The following PPP1R12B variants were observed in gnomAD, a reference collection of about 807,000 sequenced individuals.
The protein encoded by PPP1R12B is protein phosphatase 1 regulatory subunit 12B, also known as myosin phosphatase target subunit 2.
Under a neutral mutation model 126.1 loss-of-function variants are expected in PPP1R12B, and 76 were observed. The ratio of observed to expected loss-of-function variants is 0.60; its 90% confidence interval spans 0.50 to 0.73. The LOEUF (loss-of-function observed/expected upper bound fraction) is 0.73. Ranked by LOEUF, PPP1R12B falls within the 30% of genes least tolerant of loss-of-function variation. The pLI is 0.00. For missense variants in PPP1R12B, 1,052 were observed against 1,205.1 expected, an observed-to-expected ratio of 0.87 and a Z score of 1.88; for synonymous variants, 356 against 434.7, an observed-to-expected ratio of 0.82 and a Z score of 2.25.
Position 202,479,886 on chromosome 1 carries a change from T to C in PPP1R12B, c.1851-8647T>C, listed in dbSNP as rs112618526. ...AGTGGTTCTGATACAAGTGAAAGTT[T>C]AAGAACCACTTCCTTAGCCTAACTG... On this transcript the variant is annotated intron_variant, in intron 13 of 23. Coordinates refer to ENST00000608999, the MANE Select transcript of PPP1R12B (RefSeq NM_002481.4). 7.0e-3 allele frequency among the ~76,000 whole-genome samples: 1,072 copies of C among 152,326 alleles called. 12 individuals carry two copies. Among genetic ancestry groups the C allele is most frequent in the African/African-American group, 0.024 (1,008 of 41,576 alleles).
intron 18 of PPP1R12B, among the ~76,000 whole-genome samples, chr1:202,514,780 T>A (rs1489112272): frequency 6.6e-6 from 1 of 152,178 alleles, no homozygotes; most frequent in Non-Finnish European, 1.5e-5. Flanking sequence ...ATTCCATTGG[T>A]CTGTGTGCTG....
chr1:202,485,098 T>G (rs995758145), intron 13 of PPP1R12B, among the ~76,000 whole-genome samples: 1 of 152,200 alleles, frequency 6.6e-6, no homozygotes, highest in Non-Finnish European at 1.5e-5. Context: ...AGCTGTGCAG[T>G]GCAGGTATGT....
chr1:202,426,386 C>T (rs189405828), intron 4 of PPP1R12B, among the ~76,000 whole-genome samples: 22 of 152,210 alleles, frequency 1.4e-4, no homozygotes, highest in Non-Finnish European at 2.2e-4. Flanking sequence ...TGCCTGATAG[C>T]GCTATCCATA....
At chr1:202,568,383 G>C (rs1222478117) in intron 22 of PPP1R12B, among the ~76,000 whole-genome samples, 1 of 152,080 alleles carries the variant, frequency 6.6e-6, no homozygotes. Context: ...TATTATTCTG[G>C]GATTTTACAT....
intron 23 of PPP1R12B, 93 bp from the exon 24 acceptor site, chr1:202,580,381 G>C: frequency 1.2e-6 from 1 of 868,552 alleles, no homozygotes; most frequent in East Asian, 2.4e-5. Flanking sequence ...TGTCTCAAAA[G>C]GCCCTGCTCA....
intron 1 of PPP1R12B, among the ~76,000 whole-genome samples, chr1:202,405,451 C>A (rs546958648): frequency 1.9e-4 from 29 of 152,178 alleles, no homozygotes; most frequent in African/African-American, 6.5e-4. Context: ...TTAAGTATAT[C>A]ATTTTTGCTC....
intron 23 of PPP1R12B, chr1:202,575,201 T>G: frequency 6.5e-7 from 1 of 1,548,500 alleles, no homozygotes; most frequent in Non-Finnish European, 8.7e-7. Context: ...AGTCTTCTTG[T>G]TAGTCCCAGA....
rs939627461 is a variant in PPP1R12B, at chr1:202,588,870, G to GATAGATAGATAGATAT, written c.*8313_*8314insGATAGATAGATATATA. The GATAGATAGATAGATAT allele has an allele frequency of 7.1e-6, 1 of 141,544 alleles. No homozygotes were observed. The highest frequency in any genetic ancestry group is 2.0e-4 in the East Asian group (1 of 5,080). 8.8% of individuals were successfully genotyped at this position (141,544 alleles called of 1,614,324 possible). A position where few individuals can be genotyped will look rare whatever the true frequency, so the allele number is the denominator to read the frequency against. On this transcript the variant is annotated 3_prime_UTR_variant, in exon 24 of 24. Transcript: ENST00000608999. ...AGATAGATAGATAGATAGATAGATA[G>GATAGATAGATAGATAT]ATATCAAGGTTCCAAGCTTCAAGTA...
At chr1:202,354,817 G>GTTTT (rs199774664) in intron 1 of PPP1R12B, among the ~76,000 whole-genome samples, 1 of 131,812 alleles carries the variant, frequency 7.6e-6, no homozygotes, top group Non-Finnish European at 1.6e-5. Flanking sequence ...CTGGCTAATT[G>GTTTT]TTTTTTTTGT....
At chr1:202,498,145 A>G (rs2148864543) in intron 18 of PPP1R12B, among the ~76,000 whole-genome samples, 1 of 152,326 alleles carries the variant, frequency 6.6e-6, no homozygotes, top group Non-Finnish European at 1.5e-5. Flanking sequence ...GTACCAAGTA[A>G]GGAAAATTAA....
At chr1:202,378,949 AC>A (rs1297687651) in intron 1 of PPP1R12B, among the ~76,000 whole-genome samples, 1 of 151,170 alleles carries the variant, frequency 6.6e-6, no homozygotes, top group African/African-American at 2.4e-5. Context: ...TCCATTGCCC[AC>A]TCTTTGCCCA....
chr1:202,397,639 T>C (rs1248273094), intron 1 of PPP1R12B, among the ~76,000 whole-genome samples: 3 of 152,228 alleles, frequency 2.0e-5, no homozygotes, highest in Non-Finnish European at 4.4e-5. Context: ...ACTTACATTA[T>C]TCCATTGAAA....
chr1:202,575,170 TC>T (rs747820147), intron 23 of PPP1R12B: 3 of 1,597,294 alleles, frequency 1.9e-6, no homozygotes, highest in Non-Finnish European at 1.7e-6. Flanking sequence ...ACTTCCCTCC[TC>T]CACTACTCCA....
chr1:202,458,796 T>G (rs918873124), intron 13 of PPP1R12B, among the ~76,000 whole-genome samples: 2 of 152,200 alleles, frequency 1.3e-5, no homozygotes, highest in African/African-American at 4.8e-5. Context: ...GCATTTTGAC[T>G]CCTACTGGGA....
At chr1:202,490,343 T>A (rs967600803) in intron 14 of PPP1R12B, among the ~76,000 whole-genome samples, 1 of 152,218 alleles carries the variant, frequency 6.6e-6, no homozygotes, top group Non-Finnish European at 1.5e-5. Context: ...ACCCTTGTTG[T>A]CTTCTTTGAC....
intron 3 of PPP1R12B, among the ~76,000 whole-genome samples, chr1:202,424,311 G>A (rs1430426211): frequency 2.0e-5 from 3 of 150,412 alleles, no homozygotes; most frequent in Non-Finnish European, 4.4e-5. Context: ...TACTTAGGTA[G>A]TTGACAGGTT....
intron 1 of PPP1R12B, among the ~76,000 whole-genome samples, chr1:202,355,210 C>A (rs1055377610): frequency 6.6e-6 from 1 of 152,156 alleles, no homozygotes; most frequent in Admixed American, 6.5e-5. Context: ...TGGCCGTGTT[C>A]CACTATATTT....
chr1:202,495,517 C>G, intron 16 of PPP1R12B, 35 bp downstream of exon 16: 1 of 1,609,026 alleles, frequency 6.2e-7, no homozygotes, highest in Non-Finnish European at 8.5e-7. Context: ...GGCCCCTCCA[C>G]AGTGCACATC....
intron 13 of PPP1R12B, among the ~76,000 whole-genome samples, chr1:202,452,342 G>A (rs1196960081): frequency 1.3e-5 from 2 of 152,230 alleles, no homozygotes; most frequent in African/African-American, 4.8e-5. Flanking sequence ...GCGGTTAGGA[G>A]CTGGAGACCA....
Sources: allele counts gnomAD v4.1 joint callset (sites outside exome capture counted in the v4.1 genomes callset), GRCh38; gene constraint gnomAD v4.1.1; transcripts MANE v1.5; gene names NCBI Gene and HGNC (gene_info 2026-07-23, HGNC 2026-07-21).